PHLDB1: variants seen among roughly 807,000 people sequenced by gnomAD.
The protein encoded by PHLDB1 is pleckstrin homology like domain family B member 1, also known as pleckstrin homology-like domain family B member 1.
Under a neutral mutation model 139.3 loss-of-function variants are expected in PHLDB1, and 65 were observed. The observed-to-expected ratio is 0.47, with a 90% confidence interval of 0.38 to 0.57. The LOEUF is 0.57. PHLDB1 is among the 20% of genes least tolerant of loss of function. The pLI, the probability that PHLDB1 is intolerant of heterozygous loss-of-function variation, is 0.00. For synonymous variants in PHLDB1, 679 were observed against 734.5 expected, an observed-to-expected ratio of 0.92 and a Z score of 1.22; for missense variants, 1,624 against 1,839.7, an observed-to-expected ratio of 0.88 and a Z score of 2.14.
At chr11:118,616,473 C>G (rs1426374713) in intron 4 of PHLDB1, among the ~76,000 whole-genome samples, 1 of 152,076 alleles carries the variant, frequency 6.6e-6, no homozygotes, top group African/African-American at 2.4e-5. Context: ...GTTCTGATTC[C>G]CGCCATCAGA....
rs1355985312 is a variant in PHLDB1 at position 118,656,687 on chromosome 11, C to T, written c.3998C>T (p.Pro1333Leu). ...FFRFTMVTES[P>L]NPALTFCVKT... ...CTTCCTCTCTTCCTTTGGCAGAGCC[C>T]GAACCCAGCCCTCACCTTCTGCGTA... The change falls in exon 23 of 23, where the codon CCG becomes CTG. Residue 1333 changes from proline to leucine, a missense_variant. Transcript: ENST00000600882. 3 of 1,613,346 alleles carry T rather than the reference C, an allele frequency of 1.9e-6. No individual in the cohort carries two copies. Among genetic ancestry groups the T allele is most frequent in the Middle Eastern group, 1.6e-4 (1 of 6,062 alleles).
chr11:118,639,330 C>T (rs1591662563), intron 12 of PHLDB1, 79 bp downstream of exon 12: 4 of 1,000,062 alleles, frequency 4.0e-6, no homozygotes, highest in East Asian at 2.4e-5. Context: ...GCACTTTCAC[C>T]CCAGTAGCTG....
rs373527553 is a variant in PHLDB1 at position 118,627,585 on chromosome 11, C to T, written c.762C>T (p.Ala254=). 6.5e-5 allele frequency: 105 copies of T among 1,613,872 alleles called. No individual in the cohort carries two copies. The highest frequency in any genetic ancestry group is 8.6e-5 in the Non-Finnish European group (102 of 1,180,046). ...CCAGCTATGAGAACACCTCTCCAGC[C>T]TTCTCTCCACTCTCTTCACCAGCCA... ...VGSSYENTSP[A]FSPLSSPASS... The change falls in exon 6 of 23, where the codon GCC becomes GCT. Residue 254 remains alanine (A), a synonymous_variant. Coordinates refer to ENST00000600882, the MANE Select transcript of PHLDB1 (RefSeq NM_001144758.3).
intron 15 of PHLDB1, chr11:118,644,577 C>A: frequency 9.7e-7 from 1 of 1,034,416 alleles, no homozygotes; most frequent in Non-Finnish European, 1.3e-6. Flanking sequence ...AAGCCCATGT[C>A]TGTGCCTCTC....
At position 118,632,168 on chromosome 11, in the gene PHLDB1, G is replaced by A. The variant is rs1471622938; in HGVS notation, c.2251G>A (p.Glu751Lys). ...LQESAREAEM[E>K]RALLQGEREA... is the part of the protein sequence containing the mutation. ...TGGTGTCTGCCCCCAGGCCGAAATG[G>A]AGCGGGCACTGCTGCAGGGAGAGAG... The change falls in exon 9 of 23, where the codon GAG becomes AAG. Residue 751 changes from glutamate to lysine, a missense_variant. Coordinates refer to ENST00000600882, the MANE Select transcript of PHLDB1 (RefSeq NM_001144758.3). This position sits in a 1 kb window ranked among gnomAD's most constrained non-coding sequence, Gnocchi z 5.9. The A allele has an allele frequency of 6.2e-7, 1 of 1,613,960 alleles. No individual in the cohort carries two copies. Among genetic ancestry groups the A allele is most frequent in the African/African-American group, 1.3e-5 (1 of 74,930 alleles).
rs2137214223 is a variant in PHLDB1, at chr11:118,656,776, G to T, written c.4087G>T (p.Asp1363Tyr). The T allele has an allele frequency of 6.2e-7, 1 of 1,614,060 alleles. No homozygotes were observed. The highest frequency in any genetic ancestry group is 8.5e-7 in the Non-Finnish European group (1 of 1,179,918). ...PSAEAMRIWM[D>Y]VIVTGAEGYT... ...TGCAGAGGCCATGCGTATCTGGATG[G>T]ATGTCATTGTCACAGGGGCTGAGGG... The change falls in exon 23 of 23, where the codon GAT becomes TAT. Residue 1363 changes from aspartate (D) to tyrosine (Y), a missense_variant. Coordinates refer to ENST00000600882, the MANE Select transcript of PHLDB1 (RefSeq NM_001144758.3).
rs1939458558 is a variant in PHLDB1 at position 118,608,080 on chromosome 11, C to T, written c.-22+381C>T. On this transcript the variant is annotated intron_variant, in intron 1 of 22. Transcript: ENST00000600882. This position sits in a 1 kb window ranked among gnomAD's most constrained non-coding sequence, Gnocchi z 6.7. ...GGCGAGCGCGCGCGCGGGTTTTCGT[C>T]CTCCAGCGCCCCACACCTCCCCCTC... Among the ~76,000 whole-genome samples the T allele has an allele frequency of 6.6e-6, 1 of 151,922 alleles. No individual in the cohort carries two copies. Among genetic ancestry groups the T allele is most frequent in the Non-Finnish European group, 1.5e-5 (1 of 67,916 alleles).
Position 118,632,686 on chromosome 11 carries a change from C to A in PHLDB1, c.2379+390C>A. 4.7e-6 allele frequency: 1 copy of A among 214,998 alleles called. No homozygotes were observed. The highest frequency in any genetic ancestry group is 9.1e-6 in the Non-Finnish European group (1 of 110,234). 13.3% of individuals were successfully genotyped at this position (214,998 alleles called of 1,614,324 possible). Reference sequence around the variant, plus strand: ...TGGAGAACATCTCCCTCCAAGCATGCCACAAGTGCTTACGTTGTGATCTTT... The same window carrying A: ...TGGAGAACATCTCCCTCCAAGCATGACACAAGTGCTTACGTTGTGATCTTT... On this transcript the variant is annotated intron_variant, in intron 9 of 22. Transcript: ENST00000600882. The surrounding 1 kb of genome is among the most constrained non-coding windows in gnomAD (Gnocchi z 5.9).
chr11:118,646,851 G>A, intron 17 of PHLDB1: 1 of 152,212 alleles, frequency 6.6e-6, no homozygotes, highest in East Asian at 1.9e-4. Flanking sequence ...TCTGAATGGA[G>A]GACCAGCCAG....
Position 118,649,986 on chromosome 11 carries a change from T to C in PHLDB1, c.3655-91T>C, listed in dbSNP as rs1591767512. The stretch of plus-strand genomic sequence containing the variant: ...GGGTTAGGGAGGTGTGATGTCAGGC[T>C]GTTGGGGTTTAGAAGTGAAGCCAAG... On this transcript the variant is annotated intron_variant, in intron 18 of 22. Transcript: ENST00000600882. The C allele has an allele frequency of 3.3e-6, 3 of 901,568 alleles. No individual in the cohort carries two copies. The East Asian group carries it at 7.3e-5, about 22-fold the overall frequency. 55.8% of individuals were successfully genotyped at this position (901,568 alleles called of 1,614,324 possible). A position where few individuals can be genotyped will look rare whatever the true frequency, so the allele number is the denominator to read the frequency against.
intron 3 of PHLDB1, 45 bp downstream of exon 3, chr11:118,614,727 T>C (rs1471472347): frequency 2.5e-6 from 4 of 1,595,878 alleles, no homozygotes; most frequent in East Asian, 2.2e-5. Context: ...TCTATCCTTA[T>C]AGGCATTCCT....
rs781824670 is a variant in PHLDB1 at position 118,642,320 on chromosome 11, G to A, written c.2803G>A (p.Gly935Arg). 1.2e-5 allele frequency: 20 copies of A among 1,612,498 alleles called. No individual in the cohort carries two copies. The highest frequency in any genetic ancestry group is 1.5e-5 in the Non-Finnish European group (18 of 1,179,824). Residue 935 changes from glycine (G) to arginine (R), a missense_variant, in exon 13 of 23, where the codon GGG becomes AGG. Transcript: ENST00000600882. ...QWYQELMAGLGTGPAAASPHS... is the reference protein window; with the variant it reads ...QWYQELMAGLRTGPAAASPHS... ...GTACCAGGAGCTGATGGCCGGGCTG[G>A]GGACTGGCCCCGCTGCAGCCTCCCC...
chr11:118,632,834 C>A lies in PHLDB1; in HGVS notation c.2379+538C>A, dbSNP rs1483585620. 1 of 985,820 alleles carries A rather than the reference C, an allele frequency of 1.0e-6. No homozygotes were observed. The highest frequency in any genetic ancestry group is 1.2e-6 in the Non-Finnish European group (1 of 829,856). The allele number at this position is 985,820 out of a possible 1,614,324, so 61.1% of individuals were successfully genotyped here. On this transcript the variant is annotated intron_variant, in intron 9 of 22. Transcript: ENST00000600882. This position sits in a 1 kb window ranked among gnomAD's most constrained non-coding sequence, Gnocchi z 5.9. Reference sequence around the variant, plus strand: ...TTCGTGCCAGCCTGCAGGGGCCACTCCCAGATGCCCAACACCGTGCCAAAA... The same window carrying A: ...TTCGTGCCAGCCTGCAGGGGCCACTACCAGATGCCCAACACCGTGCCAAAA...
In PHLDB1 at chr11:118,650,949, T is replaced by G. The variant is rs542202660; in HGVS notation, c.3874+402T>G. On this transcript the variant is annotated intron_variant, in intron 20 of 22. Coordinates refer to ENST00000600882, the MANE Select transcript of PHLDB1 (RefSeq NM_001144758.3). This position sits in a 1 kb window ranked among gnomAD's most constrained non-coding sequence, Gnocchi z 4.7. ...TTATGGTCAGAGTTGGGCTGGGAAC[T>G]CCCCCTTGGACAAATTCCATCAGAG... 38 of 210,464 alleles carry G rather than the reference T, an allele frequency of 1.8e-4. 1 individual carries two copies. The highest frequency in any genetic ancestry group is 2.0e-3 in the Middle Eastern group (1 of 510). 13.0% of individuals were successfully genotyped at this position (210,464 alleles called of 1,614,324 possible).
At chr11:118,652,278 GTCCCATGTT>G (rs1308061596) in intron 20 of PHLDB1, 1 of 152,208 alleles carries the variant, frequency 6.6e-6, no homozygotes, top group Non-Finnish European at 1.5e-5. Context: ...AAGCACAGGT[GTCCCATGTT>G]TCTCTCTGGG....
chr11:118,651,785 C>CA (rs57871676), intron 20 of PHLDB1: 314 of 118,276 alleles, frequency 2.7e-3, no homozygotes, highest in South Asian at 4.1e-3. Context: ...GACGCCGTCT[C>CA]AAAAAAAAAA....
intron 9 of PHLDB1, chr11:118,635,134 T>C (rs1305221410): frequency 3.7e-6 from 2 of 537,196 alleles, no homozygotes; most frequent in African/African-American, 3.8e-5. Context: ...CGGGACCACC[T>C]GGCCTCTGCA....
intron 10 of PHLDB1, among the ~76,000 whole-genome samples, chr11:118,636,374 G>T (rs112998460): frequency 6.6e-6 from 1 of 152,256 alleles, no homozygotes; most frequent in East Asian, 1.9e-4. Context: ...GTTAGCCTGG[G>T]GTTGGTGGTA....
chr11:118,641,915 C>A, intron 12 of PHLDB1: 1 of 627,534 alleles, frequency 1.6e-6, no homozygotes, highest in Non-Finnish European at 2.4e-6. Context: ...CAGGCTCTGT[C>A]TGGTGGCTGG....
Sources: gnomAD v4.1 joint callset for allele counts (sites outside exome capture counted in the v4.1 genomes callset) on GRCh38, gnomAD v4.1.1 for gene constraint, Gnocchi (gnomAD v3.1) non-coding constraint, MANE v1.5 for transcripts, NCBI Gene and HGNC (gene_info 2026-07-23, HGNC 2026-07-21) for gene names.